ZNF84: variants seen among roughly 807,000 people sequenced by gnomAD.
ZNF84 encodes the protein zinc finger protein 84.
ZNF84 carries 12 observed loss-of-function variants against 14.8 expected under a neutral mutation model. The observed-to-expected ratio is 0.81, with a 90% CI of 0.52 to 1.31. The LOEUF is 1.31. Ranked by LOEUF, ZNF84 falls within the 50% of genes most tolerant of loss-of-function variation. The pLI, the probability that ZNF84 is intolerant of heterozygous loss-of-function variation, is 0.00. For synonymous variants in ZNF84, 347 were observed against 291.1 expected (o/e 1.19, Z -1.96); for missense variants, 859 against 878.6 (o/e 0.98, Z 0.28).
chr12:133,040,075 C>T (rs1593693154), intron 1 of ZNF84, among the ~76,000 whole-genome samples: 1 of 151,954 alleles, frequency 6.6e-6, no homozygotes, highest in Admixed American at 6.6e-5. Context: ...CTCCTGACCT[C>T]AGGTGATCCA....
In ZNF84 at chr12:133,058,880, A is replaced by G; in HGVS notation, c.2165A>G (p.Gln722Arg). ...RCIECGKAFSQKSQLINHQRT... is the reference protein window; with the variant it reads ...RCIECGKAFSRKSQLINHQRT... The stretch of plus-strand genomic sequence containing the variant: ...ATTGAATGTGGGAAAGCTTTCTCAC[A>G]GAAGTCACAGCTCATCAATCATCAG... The change falls in exon 5 of 5, where the codon CAG becomes CGG. Residue 722 changes from glutamine (Q) to arginine (R), a missense_variant. Transcript: ENST00000539354. 1 of 1,613,186 alleles carries G rather than the reference A, an allele frequency of 6.2e-7. No individual in the cohort carries two copies.
chr12:133,048,866 A>G lies in ZNF84; in HGVS notation c.238+18A>G. The stretch of plus-strand genomic sequence containing the variant: ...TTCTCCAGGTGAGTGTATGAGAACC[A>G]GGCAGATGGGAGAGAGCAGAAGCCC... On this transcript the variant is annotated intron_variant, in intron 4 of 4. Transcript: ENST00000539354. The G allele has an allele frequency of 6.3e-7, 1 of 1,598,854 alleles. No homozygotes were observed. The highest frequency in any genetic ancestry group is 8.6e-7 in the Non-Finnish European group (1 of 1,167,454).
In ZNF84 at chr12:133,063,004, C is replaced by T; in HGVS notation, c.*4072C>T. 1 of 667,646 alleles carries T rather than the reference C, an allele frequency of 1.5e-6. No homozygotes were observed. The highest frequency in any genetic ancestry group is 2.7e-6 in the Non-Finnish European group (1 of 367,828). The allele number at this position is 667,646 out of a possible 1,614,324, so 41.4% of individuals were successfully genotyped here. On this transcript the variant is annotated 3_prime_UTR_variant, in exon 5 of 5. Coordinates refer to ENST00000539354, the MANE Select transcript of ZNF84 (RefSeq NM_001289971.2). ...ATGTTTTATCTTTCCCACTAGAAAGCTTCTAGAAAGCTAGTACTATCTTTT... is the reference window on the plus strand; with the variant it reads ...ATGTTTTATCTTTCCCACTAGAAAGTTTCTAGAAAGCTAGTACTATCTTTT...
Position 133,057,750 on chromosome 12 carries a change from G to T in ZNF84, c.1035G>T (p.Lys345Asn). 1 of 1,613,896 alleles carries T rather than the reference G, an allele frequency of 6.2e-7. No homozygotes were observed. The highest frequency in any genetic ancestry group is 8.5e-7 in the Non-Finnish European group (1 of 1,179,962). The change falls in exon 5 of 5, where the codon AAG becomes AAT. Residue 345 changes from lysine to asparagine, a missense_variant. Lys to Asn is a moderately conservative substitution (Grantham distance 94). Coordinates refer to ENST00000539354, the MANE Select transcript of ZNF84 (RefSeq NM_001289971.2). ...ATCAGAGAATTCATACCGGTGAGAAGCCTTTTGAATGCAGGGAATGTGGGA... is the reference window on the plus strand; with the variant it reads ...ATCAGAGAATTCATACCGGTGAGAATCCTTTTGAATGCAGGGAATGTGGGA... The part of the protein sequence containing the change: ...INHQRIHTGE[K>N]PFECRECGKA...
intron 2 of ZNF84, among the ~76,000 whole-genome samples, chr12:133,047,444 G>T (rs1211843022): frequency 2.6e-5 from 4 of 152,294 alleles, no homozygotes; most frequent in Non-Finnish European, 2.9e-5. Flanking sequence ...TTGGACTGGT[G>T]TCACCCTTGT....
chr12:133,058,779 TAGGA>T lies in ZNF84; in HGVS notation c.2068_2071del (p.Lys690ProfsTer45). The T allele has an allele frequency of 6.2e-7, 1 of 1,614,006 alleles. No individual in the cohort carries two copies. Among genetic ancestry groups the T allele is most frequent in the Non-Finnish European group, 8.5e-7 (1 of 1,179,954 alleles). ...AGAAACCCTATGGATGCAGTGAATG[TAGGA>T]AGGCCTTCTCTCAGAAGTCACAGCT... On this transcript the variant is annotated frameshift_variant, in exon 5 of 5. Coordinates refer to ENST00000539354, the MANE Select transcript of ZNF84 (RefSeq NM_001289971.2). LOFTEE classifies it low-confidence loss of function (END_TRUNC).
At chr12:133,050,461 C>G (rs1333936899) in intron 4 of ZNF84, 1 of 398,502 alleles carries the variant, frequency 2.5e-6, no homozygotes, top group South Asian at 1.3e-4. Flanking sequence ...GGGTAGGAAT[C>G]ATGTCAGAGT....
rs1954201353 is a variant in ZNF84, at chr12:133,058,484, A to G, written c.1769A>G (p.Gln590Arg). The change falls in exon 5 of 5, where the codon CAG becomes CGG. Residue 590 changes from glutamine (Q) to arginine (R), a missense_variant. By Grantham distance (43) the Gln-to-Arg change is conservative. Transcript: ENST00000539354. Reference protein sequence around the residue: ...FSQKSQLNTHQRIHTGEKPYE... With the variant: ...FSQKSQLNTHRRIHTGEKPYE... ...CAGAAATCACAGCTAAATACCCATC[A>G]GAGAATTCACACTGGAGAGAAACCC... 6.2e-7 allele frequency: 1 copy of G among 1,614,072 alleles called. No homozygotes were observed. The highest frequency in any genetic ancestry group is 1.3e-5 in the African/African-American group (1 of 74,940).
At chr12:133,047,644 G>A (rs1413784334) in intron 2 of ZNF84, 5 of 196,150 alleles carry the variant, frequency 2.5e-5, no homozygotes, top group East Asian at 1.2e-4. Context: ...AGACACCTTC[G>A]TCTTTCTTTA....
At chr12:133,050,539 G>C (rs1208213572) in intron 4 of ZNF84, 1 of 398,510 alleles carries the variant, frequency 2.5e-6, no homozygotes, top group Non-Finnish European at 4.4e-6. Context: ...TCCATAGTAT[G>C]ACACTACTGC....
chr12:133,049,002 G>C (rs892514559), intron 4 of ZNF84, among the ~76,000 whole-genome samples, 154 bp downstream of exon 4: 2 of 152,160 alleles, frequency 1.3e-5, no homozygotes, highest in Non-Finnish European at 2.9e-5. Flanking sequence ...TGGCTGGTCA[G>C]TGATGGGTTG....
Position 133,061,611 on chromosome 12 carries a change from A to G in ZNF84, c.*2679A>G, listed in dbSNP as rs1954265839. The G allele has an allele frequency of 6.6e-6, 1 of 152,166 alleles. No individual in the cohort carries two copies. Among genetic ancestry groups the G allele is most frequent in the African/African-American group, 2.4e-5 (1 of 41,442 alleles). The allele number at this position is 152,166 out of a possible 1,614,324, so 9.4% of individuals were successfully genotyped here. A position where few individuals can be genotyped will look rare whatever the true frequency, so the allele number is the denominator to read the frequency against. On this transcript the variant is annotated 3_prime_UTR_variant, in exon 5 of 5. Transcript: ENST00000539354. ...CTATTTTTTCTTTCCATCTATCACC[A>G]TTCTCTTTCCAATCCCAGAGATTGA...
Position 133,058,161 on chromosome 12 carries a change from G to A in ZNF84, c.1446G>A (p.Thr482=), listed in dbSNP as rs965731714. 10 of 1,613,236 alleles carry A rather than the reference G, an allele frequency of 6.2e-6. No homozygotes were observed. Among genetic ancestry groups the A allele is most frequent in the African/African-American group, 1.3e-5 (1 of 74,710 alleles). The part of the protein sequence containing the change: ...SQLVRHQRTH[T]GEKPYECSEC... The stretch of plus-strand genomic sequence containing the variant: ...TCGTTAGACATCAGAGAACTCATAC[G>A]GGAGAAAAACCGTATGAATGCAGTG... The change falls in exon 5 of 5, where the codon ACG becomes ACA. Residue 482 remains threonine (T), a synonymous_variant. Coordinates refer to ENST00000539354, the MANE Select transcript of ZNF84 (RefSeq NM_001289971.2).
At chr12:133,044,595 T>TA (rs1376835216) in intron 2 of ZNF84, among the ~76,000 whole-genome samples, 1 of 152,160 alleles carries the variant, frequency 6.6e-6, no homozygotes, top group Non-Finnish European at 1.5e-5. Flanking sequence ...TTCTTCTTGT[T>TA]ACTTTGGGTT....
At chr12:133,050,573 A>G (rs1410427751) in intron 4 of ZNF84, 8 of 398,404 alleles carry the variant, frequency 2.0e-5, no homozygotes, top group Non-Finnish European at 3.5e-5. Context: ...ATTTCTTCCT[A>G]TCTCCCATTC....
At chr12:133,053,313 TA>T in intron 4 of ZNF84, among the ~76,000 whole-genome samples, 1 of 152,324 alleles carries the variant, frequency 6.6e-6, no homozygotes, top group South Asian at 2.1e-4. Context: ...ACTTAAGTAT[TA>T]ATAGTTCAAT....
chr12:133,048,905 C>T, intron 4 of ZNF84, 57 bp downstream of exon 4: 8 of 1,439,666 alleles, frequency 5.6e-6, no homozygotes, highest in African/African-American at 1.4e-5. Flanking sequence ...GTCATCTGGT[C>T]AGTGACGGGT....
chr12:133,057,094 AAC>A lies in ZNF84; in HGVS notation c.381_382del (p.Asn127LysfsTer2). On this transcript the variant is annotated frameshift_variant, in exon 5 of 5. Transcript: ENST00000539354. LOFTEE classifies it low-confidence loss of function (END_TRUNC). ...GAACTTTGTTCCTTTAAGGAAATCA[AAC>A]AGTGAAGGTGACTTAGATGGATTGA... is the stretch of plus-strand genomic sequence containing the variant. ...NMNFVPLRKS[N>X]SEGDLDGLIL... The A allele has an allele frequency of 6.2e-7, 1 of 1,613,608 alleles. No homozygotes were observed. Among genetic ancestry groups the A allele is most frequent in the Non-Finnish European group, 8.5e-7 (1 of 1,179,890 alleles).
chr12:133,038,061 T>C (rs1213582693), intron 1 of ZNF84: 1 of 152,238 alleles, frequency 6.6e-6, no homozygotes, highest in Non-Finnish European at 1.5e-5. Context: ...TTTGGTATGG[T>C]GTAGCGAAAT....
Sources: gnomAD v4.1 joint callset for allele counts (sites outside exome capture counted in the v4.1 genomes callset) on GRCh38, gnomAD v4.1.1 for gene constraint, MANE v1.5 for transcripts, NCBI Gene and HGNC (gene_info 2026-07-23, HGNC 2026-07-21) for gene names.